DNMBP: variants seen among roughly 807,000 people sequenced by gnomAD.
The protein encoded by DNMBP is dynamin-binding protein.
DNMBP carries 87 observed loss-of-function variants against 150.0 expected under a neutral mutation model. That is an observed-to-expected ratio of 0.58 (90% CI 0.49 to 0.69). The LOEUF is 0.69. Among genes scored for constraint, DNMBP ranks in the 30% least tolerant of loss-of-function variants. The pLI is 0.00. For missense variants in DNMBP, 1,774 were observed against 1,949.0 expected (o/e 0.91, Z 1.69); for synonymous variants, 711 against 750.4 (o/e 0.95, Z 0.86).
intron 6 of DNMBP, among the ~76,000 whole-genome samples, chr10:99,906,917 T>C (rs1213390235): frequency 6.6e-6 from 1 of 152,226 alleles, no homozygotes; most frequent in African/African-American, 2.4e-5. Flanking sequence ...ATAAGTTCCC[T>C]TGTTTATAAG....
intron 11 of DNMBP, among the ~76,000 whole-genome samples, chr10:99,891,893 T>TGCCCGGCC (rs1238752631): frequency 6.9e-6 from 1 of 144,068 alleles, no homozygotes; most frequent in Non-Finnish European, 1.5e-5. Context: ...GGAGCGTCTC[T>TGCCCGGCC]GCCGCCCCGT....
chr10:99,915,107 AAAT>A (rs1429253540), intron 4 of DNMBP, among the ~76,000 whole-genome samples: 3 of 109,400 alleles, frequency 2.7e-5, no homozygotes, highest in African/African-American at 1.2e-4. Context: ...AAAAAAAAAA[AAAT>A]ATATATATAT....
chr10:99,996,995 T>C (rs2040958185), intron 1 of DNMBP, among the ~76,000 whole-genome samples: 1 of 152,214 alleles, frequency 6.6e-6, no homozygotes, highest in South Asian at 2.1e-4. Flanking sequence ...ATTAAAACTA[T>C]GGGTTTGAAA....
chr10:99,947,876 G>A (rs2862921), intron 4 of DNMBP, among the ~76,000 whole-genome samples: 70,844 of 151,890 alleles, frequency 0.47, 17,492 homozygotes, highest in African/African-American at 0.63. Flanking sequence ...TGATTTTATA[G>A]ATCTTCTATA....
chr10:99,998,366 T>C (rs1411419206), intron 1 of DNMBP, among the ~76,000 whole-genome samples: 1 of 151,884 alleles, frequency 6.6e-6, no homozygotes, highest in African/African-American at 2.4e-5. Flanking sequence ...TTGCCTGAGC[T>C]CAGGAGTTTG....
At chr10:99,981,267 C>T (rs2040777610) in intron 1 of DNMBP, among the ~76,000 whole-genome samples, 1 of 152,178 alleles carries the variant, frequency 6.6e-6, no homozygotes, top group African/African-American at 2.4e-5. Flanking sequence ...CTGCAACCTT[C>T]ACCTCCTGGG....
rs1491094704 is a variant in DNMBP, at chr10:99,997,927, C to CCA, written c.-11+11910_-11+11911insTG. Among the ~76,000 whole-genome samples, 14 of 22,330 alleles carry CCA rather than the reference C, an allele frequency of 6.3e-4. 1 individual carries two copies. The highest frequency in any genetic ancestry group is 2.4e-3 in the African/African-American group (14 of 5,770). 14.6% of individuals were successfully genotyped at this position (22,330 alleles called of 152,430 possible). A position where few individuals can be genotyped will look rare whatever the true frequency, so the allele number is the denominator to read the frequency against. Reference sequence around the variant, plus strand: ...TGGGTGACAGAATGAGACTCTGTCTCAAAAAAAAAAAAAAAAAAAAAAAAA... The same window carrying CCA: ...TGGGTGACAGAATGAGACTCTGTCTCCAAAAAAAAAAAAAAAAAAAAAAAAAA... On this transcript the variant is annotated intron_variant, in intron 1 of 16. Coordinates refer to ENST00000324109, the MANE Select transcript of DNMBP (RefSeq NM_015221.4).
At chr10:99,879,766 T>C (rs972861433) in intron 16 of DNMBP, 45 bp downstream of exon 16, 2 of 1,602,772 alleles carry the variant, frequency 1.2e-6, no homozygotes, top group East Asian at 4.5e-5. Context: ...CCACAACACA[T>C]CTGCTGCCGC....
intron 1 of DNMBP, among the ~76,000 whole-genome samples, chr10:99,985,893 G>T (rs2040822277): frequency 6.6e-6 from 1 of 152,170 alleles, no homozygotes; most frequent in African/African-American, 2.4e-5. Context: ...TGGGACCACA[G>T]GCATGCACCA....
At chr10:99,944,336 T>C (rs2040333977) in intron 4 of DNMBP, among the ~76,000 whole-genome samples, 2 of 152,160 alleles carry the variant, frequency 1.3e-5, no homozygotes, top group South Asian at 4.1e-4. Context: ...AAGAAATGAA[T>C]GCACACCCTC....
intron 4 of DNMBP, among the ~76,000 whole-genome samples, chr10:99,920,078 CATTTTTT>C (rs2040005701): frequency 6.7e-6 from 1 of 150,320 alleles, no homozygotes; most frequent in Non-Finnish European, 1.5e-5. Flanking sequence ...ACTATATTTC[CATTTTTT>C]TTTTTTTGAG....
At position 99,917,823 on chromosome 10, in the gene DNMBP, G is replaced by A. The variant is rs189140367; in HGVS notation, c.2261-8677C>T. Among the ~76,000 whole-genome samples the A allele has an allele frequency of 1.3e-4, 20 of 152,044 alleles. No homozygotes were observed. The East Asian group carries it at 3.3e-3, about 25-fold the overall frequency. Reference sequence around the variant, plus strand: ...TAAAAAAAATACAAAAATTAGCTGGGCGCAGTGGTGCCCACCTGTAGTGTA... The same window carrying A: ...TAAAAAAAATACAAAAATTAGCTGGACGCAGTGGTGCCCACCTGTAGTGTA... On this transcript the variant is annotated intron_variant, in intron 4 of 16. Transcript: ENST00000324109.
intron 1 of DNMBP, among the ~76,000 whole-genome samples, chr10:100,002,031 T>G (rs1357041714): frequency 2.0e-5 from 3 of 152,168 alleles, no homozygotes. Context: ...ATTGTAAGTT[T>G]TCTATCGATT....
chr10:99,986,533 A>C (rs1589449956), intron 1 of DNMBP, among the ~76,000 whole-genome samples: 1 of 144,348 alleles, frequency 6.9e-6, no homozygotes. Context: ...TAAAACTGCA[A>C]GGCGTGAGCT....
At chr10:99,993,142 C>T (rs746710161) in intron 1 of DNMBP, among the ~76,000 whole-genome samples, 1 of 152,178 alleles carries the variant, frequency 6.6e-6, no homozygotes, top group Non-Finnish European at 1.5e-5. Context: ...TAGTACCTCA[C>T]AAATAGTAAG....
chr10:99,988,315 C>A (rs1454344554), intron 1 of DNMBP, among the ~76,000 whole-genome samples: 3 of 152,134 alleles, frequency 2.0e-5, no homozygotes, highest in African/African-American at 7.2e-5. Flanking sequence ...GGTTATTAGT[C>A]TATAACTCCC....
Position 99,895,759 on chromosome 10 carries a change from A to C in DNMBP, c.3051+508T>G, listed in dbSNP as rs146179739. 5.4e-3 allele frequency among the ~76,000 whole-genome samples: 821 copies of C among 152,316 alleles called. 9 individuals are homozygous for C. The highest frequency in any genetic ancestry group is 0.018 in the African/African-American group (767 of 41,568). On this transcript the variant is annotated intron_variant, in intron 10 of 16. Coordinates refer to ENST00000324109, the MANE Select transcript of DNMBP (RefSeq NM_015221.4). ...TCTCACTGAACTGTTTTTCTAAAAT[A>C]CTACAGCATTTGGAGAACAAAATAC...
chr10:99,938,576 AAGTGGAG>A (rs1255027034), intron 4 of DNMBP, among the ~76,000 whole-genome samples: 2 of 152,154 alleles, frequency 1.3e-5, no homozygotes, highest in African/African-American at 2.4e-5. Flanking sequence ...ATAGTTGGGC[AAGTGGAG>A]AGTGAACAGT....
chr10:100,003,314 T>C (rs1319754637), intron 1 of DNMBP, among the ~76,000 whole-genome samples: 1 of 152,110 alleles, frequency 6.6e-6, no homozygotes. Context: ...GCCACTGCAC[T>C]CCAGCCTGGG....
Sources: allele counts gnomAD v4.1 joint callset (sites outside exome capture counted in the v4.1 genomes callset), GRCh38; gene constraint gnomAD v4.1.1; transcripts MANE v1.5; gene names NCBI Gene and HGNC (gene_info 2026-07-23, HGNC 2026-07-21).